PARD3B: variants seen among roughly 807,000 people sequenced by gnomAD.
PARD3B encodes partitioning defective 3 homolog B.
PARD3B carries 103 observed loss-of-function variants against 130.2 expected under a neutral mutation model. That is an observed-to-expected ratio of 0.79 (90% confidence interval 0.67 to 0.93). The LOEUF (loss-of-function observed/expected upper bound fraction) is 0.93, where lower values mean the gene tolerates loss of function less well. Among genes scored for constraint, PARD3B ranks in the 40% least tolerant of loss-of-function variants. PARD3B has a pLI of 0.00. For missense variants in PARD3B, 1,609 were observed against 1,499.2 expected (o/e 1.07, Z -1.21); for synonymous variants, 583 against 553.2 (o/e 1.05, Z -0.76).
intron 1 of PARD3B, among the ~76,000 whole-genome samples, chr2:204,588,696 T>G (rs191196684): frequency 1.7e-3 from 264 of 152,352 alleles, no homozygotes; most frequent in African/African-American, 6.2e-3. Flanking sequence ...ATGTTTACTT[T>G]AAAAATATTC....
intron 18 of PARD3B, among the ~76,000 whole-genome samples, chr2:205,305,170 G>A (rs1217682984): frequency 6.6e-6 from 1 of 152,154 alleles, no homozygotes; most frequent in Non-Finnish European, 1.5e-5. Context: ...ATTCCTTATA[G>A]GGTTAAAGTA....
chr2:205,582,153 T>G (rs1446138793), intron 22 of PARD3B, among the ~76,000 whole-genome samples: 1 of 152,148 alleles, frequency 6.6e-6, no homozygotes. Flanking sequence ...CTTGCACAAA[T>G]CTACTTAGCT....
At chr2:204,570,453 T>C (rs538828672) in intron 1 of PARD3B, among the ~76,000 whole-genome samples, 2 of 152,320 alleles carry the variant, frequency 1.3e-5, no homozygotes, top group East Asian at 3.9e-4. Context: ...TCTTCTGACA[T>C]GATTCTGTCC....
At position 205,398,230 on chromosome 2, in the gene PARD3B, G is replaced by C. The variant is rs545238104; in HGVS notation, c.2631-2783G>C. On this transcript the variant is annotated intron_variant, in intron 18 of 22. Transcript: ENST00000406610. ...GCAGGAGAATCGCTTGAACCCGAGAGGTGGAGGTTGCAGTGAGCCGAGATC... is the reference window on the plus strand; with the variant it reads ...GCAGGAGAATCGCTTGAACCCGAGACGTGGAGGTTGCAGTGAGCCGAGATC... Among the ~76,000 whole-genome samples the C allele has an allele frequency of 2.6e-5, 4 of 152,256 alleles. No individual in the cohort carries two copies. In the South Asian group the frequency reaches 8.3e-4, roughly 32 times the overall value.
chr2:204,920,395 G>T (rs2047627748), intron 2 of PARD3B, among the ~76,000 whole-genome samples: 1 of 152,144 alleles, frequency 6.6e-6, no homozygotes, highest in Admixed American at 6.5e-5. Context: ...AGGGCATTAT[G>T]ATGTGTCCTT....
chr2:205,445,019 CAA>C (rs780010040), intron 20 of PARD3B, among the ~76,000 whole-genome samples: 8 of 152,012 alleles, frequency 5.3e-5, no homozygotes, highest in African/African-American at 1.2e-4. Flanking sequence ...CTCTTGGTGA[CAA>C]AGAGAGAGCA....
Position 205,301,705 on chromosome 2 carries a change from TG to T in PARD3B, c.2630+7del, listed in dbSNP as rs1251465737. On this transcript the variant is annotated splice_donor_5th_base_variant and intron_variant, in intron 18 of 22. Transcript: ENST00000406610. This position sits in a 1 kb window ranked among gnomAD's most constrained non-coding sequence, Gnocchi z 5.2. ...AGGGCTTCGGCGCCATGCTGAGGTA[TG>T]GGCCTGCTTTGAAGGCAAAGTTGGT... 1 of 1,613,986 alleles carries T rather than the reference TG, an allele frequency of 6.2e-7. No homozygotes were observed. The highest frequency in any genetic ancestry group is 8.5e-7 in the Non-Finnish European group (1 of 1,179,946).
At chr2:204,750,303 C>G (rs553234691) in intron 2 of PARD3B, among the ~76,000 whole-genome samples, 20 of 152,162 alleles carry the variant, frequency 1.3e-4, no homozygotes, top group African/African-American at 4.8e-4. Context: ...ATAGTGTTGG[C>G]CTGGTGCTGT....
chr2:205,185,692 T>G, intron 13 of PARD3B, 72 bp from the exon 14 acceptor site: 2 of 1,278,214 alleles, frequency 1.6e-6, no homozygotes, highest in Middle Eastern at 1.8e-4. Context: ...CTGAGAGAGA[T>G]ACTGAAACCA....
chr2:204,780,666 A>G (rs544543503), intron 2 of PARD3B, among the ~76,000 whole-genome samples: 1 of 152,266 alleles, frequency 6.6e-6, no homozygotes, highest in African/African-American at 2.4e-5. Context: ...CATTTGGTAC[A>G]GTGATCTTAT....
chr2:205,381,247 A>G (rs981248677), intron 18 of PARD3B, among the ~76,000 whole-genome samples: 3 of 122,778 alleles, frequency 2.4e-5, no homozygotes, highest in African/African-American at 1.0e-4. Flanking sequence ...TAAAAAGAAT[A>G]TATGTTATAT....
At chr2:204,954,645 G>A (rs1391932897) in intron 2 of PARD3B, among the ~76,000 whole-genome samples, 1 of 152,136 alleles carries the variant, frequency 6.6e-6, no homozygotes, top group East Asian at 1.9e-4. Context: ...CCACCCCCAG[G>A]ACATATGAAG....
At chr2:205,255,079 G>A (rs1015686496) in intron 16 of PARD3B, among the ~76,000 whole-genome samples, 1 of 151,922 alleles carries the variant, frequency 6.6e-6, no homozygotes, top group Non-Finnish European at 1.5e-5. Flanking sequence ...CCAACTCCCA[G>A]CTAGTCACAG....
At chr2:204,616,777 T>C (rs1351919082) in intron 1 of PARD3B, among the ~76,000 whole-genome samples, 2 of 152,190 alleles carry the variant, frequency 1.3e-5, no homozygotes, top group Non-Finnish European at 2.9e-5. Context: ...AATGGAATAT[T>C]ATTCAGTGAA....
At chr2:205,275,863 G>T (rs867104950) in intron 16 of PARD3B, among the ~76,000 whole-genome samples, 50 of 123,464 alleles carry the variant, frequency 4.0e-4, no homozygotes, top group African/African-American at 1.5e-3. Flanking sequence ...AAAAAAAAAA[G>T]GTTCAATTAG....
At chr2:205,114,173 T>TA (rs1703856869) in intron 6 of PARD3B, among the ~76,000 whole-genome samples, 2 of 152,260 alleles carry the variant, frequency 1.3e-5, no homozygotes, top group Middle Eastern at 6.8e-3. Flanking sequence ...TCCACACTGG[T>TA]AAAAATGGCA....
rs1417951698 is a variant in PARD3B, at chr2:205,229,033, G to C, written c.2141-16745G>C. On this transcript the variant is annotated intron_variant, in intron 15 of 22. Coordinates refer to ENST00000406610, the MANE Select transcript of PARD3B (RefSeq NM_001302769.2). This position sits in a 1 kb window ranked among gnomAD's most constrained non-coding sequence, Gnocchi z 5.2. ...TCTTTGTTACCTTGAATTTCACTGA[G>C]TTTCCTCAAAACAGCTATTTTGAAT... Among the ~76,000 whole-genome samples, 1 of 152,128 alleles carries C rather than the reference G, an allele frequency of 6.6e-6. No homozygotes were observed. The highest frequency in any genetic ancestry group is 2.4e-5 in the African/African-American group (1 of 41,422).
intron 4 of PARD3B, among the ~76,000 whole-genome samples, chr2:205,049,087 T>C (rs939847015): frequency 2.0e-5 from 3 of 152,214 alleles, no homozygotes; most frequent in Non-Finnish European, 2.9e-5. Flanking sequence ...ATTTTCATGA[T>C]GTCTGTGTGT....
rs1189449579 is a variant in PARD3B, at chr2:204,678,612, C to G, written c.121-7569C>G. On this transcript the variant is annotated intron_variant, in intron 1 of 22. Transcript: ENST00000406610. This position sits in a 1 kb window ranked among gnomAD's most constrained non-coding sequence, Gnocchi z 4.2. ...GAAGTCGTGTGGTCTGACATTAAGC[C>G]GCGTCTAGCCTTAGTCTCTGATGCG... 2.0e-5 allele frequency among the ~76,000 whole-genome samples: 3 copies of G among 151,968 alleles called. No homozygotes were observed. The highest frequency in any genetic ancestry group is 2.9e-5 in the Non-Finnish European group (2 of 68,016).
Sources: allele counts gnomAD v4.1 joint callset (sites outside exome capture counted in the v4.1 genomes callset), GRCh38; gene constraint gnomAD v4.1.1; non-coding constraint Gnocchi (gnomAD v3.1); transcripts MANE v1.5; gene names NCBI Gene and HGNC (gene_info 2026-07-23, HGNC 2026-07-21).